The following DNAH7 variants were observed in gnomAD, a reference collection of about 807,000 sequenced individuals.
The protein encoded by DNAH7 is dynein axonemal heavy chain 7.
A neutral mutation model predicts 444.6 loss-of-function variants in DNAH7; 397 were observed. The ratio of observed to expected loss-of-function variants is 0.89; its 90% confidence interval spans 0.82 to 0.97. The LOEUF (loss-of-function observed/expected upper bound fraction) is 0.97. DNAH7 is among the 50% of genes least tolerant of loss of function. The pLI, the probability that DNAH7 is intolerant of heterozygous loss-of-function variation, is 0.00. For missense variants in DNAH7, 4,902 were observed against 4,800.8 expected (o/e 1.02, Z -0.62); for synonymous variants, 1,636 against 1,624.4 (o/e 1.01, Z -0.17).
At chr2:195,864,066 G>T in intron 41 of DNAH7, 83 bp downstream of exon 41, 1 of 1,405,690 alleles carries the variant, frequency 7.1e-7, no homozygotes. Flanking sequence ...GTAAACTACA[G>T]GTTGGGAATC....
Position 195,845,069 on chromosome 2 carries a change from T to G in DNAH7, c.8878A>C (p.Ile2960Leu). The G allele has an allele frequency of 6.2e-7, 1 of 1,613,908 alleles. No homozygotes were observed. Among genetic ancestry groups the G allele is most frequent in the Non-Finnish European group, 8.5e-7 (1 of 1,179,886 alleles). Reference protein sequence around the residue: ...LMGTLGEAVTIRTWNIAGLPS... With the variant: ...LMGTLGEAVTLRTWNIAGLPS... ...AATCCAGCAATATTCCAAGTTCGAA[T>G]TGTCACAGCTTCTCCCAGGGTACCC... The change falls in exon 47 of 65, where the codon ATT becomes CTT. Residue 2960 changes from isoleucine (I) to leucine (L), a missense_variant. Ile to Leu is a conservative substitution (Grantham distance 5). Coordinates refer to ENST00000312428, the MANE Select transcript of DNAH7 (RefSeq NM_018897.3).
intron 31 of DNAH7, 112 bp downstream of exon 31, chr2:195,891,543 T>C: frequency 1.0e-6 from 1 of 994,780 alleles, no homozygotes; most frequent in Non-Finnish European, 1.4e-6. Flanking sequence ...GTGTTTTAAA[T>C]AATATCTTAA....
intron 63 of DNAH7, among the ~76,000 whole-genome samples, chr2:195,745,979 A>G (rs928631251): frequency 8.5e-5 from 13 of 152,356 alleles, no homozygotes; most frequent in African/African-American, 2.6e-4. Context: ...ATAATGACAC[A>G]ATCAAATTCA....
Position 195,843,307 on chromosome 2 carries a change from C to T in DNAH7, c.8945+1695G>A, listed in dbSNP as rs115949084. ...TCTTTATTTTAGCAGCCAGCTAATG[C>T]ACATATTTATCATTGATTTTAGATT... On this transcript the variant is annotated intron_variant, in intron 47 of 64. Coordinates refer to ENST00000312428, the MANE Select transcript of DNAH7 (RefSeq NM_018897.3). 4.7e-3 allele frequency among the ~76,000 whole-genome samples: 717 copies of T among 152,236 alleles called. 2 individuals are homozygous for T. The highest frequency in any genetic ancestry group is 8.3e-3 in the Non-Finnish European group (565 of 68,014).
intron 57 of DNAH7, among the ~76,000 whole-genome samples, chr2:195,791,407 T>G (rs956813432): frequency 1.4e-5 from 2 of 143,134 alleles, no homozygotes; most frequent in South Asian, 4.4e-4. Flanking sequence ...CAAAACACAA[T>G]GGATGCTGGT....
At chr2:196,016,329 G>C (rs1268660216) in intron 9 of DNAH7, among the ~76,000 whole-genome samples, 2 of 152,140 alleles carry the variant, frequency 1.3e-5, no homozygotes, top group Non-Finnish European at 2.9e-5. Context: ...TATATTGTAT[G>C]ACCTCATGAC....
intron 1 of DNAH7, among the ~76,000 whole-genome samples, chr2:196,063,131 C>T (rs1211732748): frequency 6.6e-6 from 1 of 152,198 alleles, no homozygotes; most frequent in Non-Finnish European, 1.5e-5. Flanking sequence ...ATCCACCCAC[C>T]TCAGCCTCCC....
At chr2:195,916,855 T>C (rs1223563472) in intron 24 of DNAH7, among the ~76,000 whole-genome samples, 1 of 151,190 alleles carries the variant, frequency 6.6e-6, no homozygotes, top group Non-Finnish European at 1.5e-5. Context: ...ATTCCAGCAC[T>C]TCGGGAGGTG....
chr2:196,051,168 A>C lies in DNAH7; in HGVS notation c.141+19T>G. The C allele has an allele frequency of 6.2e-7, 1 of 1,606,798 alleles. No homozygotes were observed. The highest frequency in any genetic ancestry group is 8.5e-7 in the Non-Finnish European group (1 of 1,174,772). Reference sequence around the variant, plus strand: ...TTTGAAGCACAAAAATTCAATGAGAATATATTTGGATAAGTTACCATAGAC... The same window carrying C: ...TTTGAAGCACAAAAATTCAATGAGACTATATTTGGATAAGTTACCATAGAC... On this transcript the variant is annotated intron_variant, in intron 3 of 64. Transcript: ENST00000312428.
At chr2:195,931,143 C>G (rs1370898648) in intron 21 of DNAH7, among the ~76,000 whole-genome samples, 1 of 152,084 alleles carries the variant, frequency 6.6e-6, no homozygotes, top group African/African-American at 2.4e-5. Flanking sequence ...CACGATATAT[C>G]TATGTAACAA....
intron 58 of DNAH7, 30 bp from the exon 59 acceptor site, chr2:195,778,015 A>G: frequency 1.3e-6 from 2 of 1,564,004 alleles, no homozygotes; most frequent in Non-Finnish European, 8.7e-7. Context: ...TCAACCAGTT[A>G]TCAGTAGCAT....
intron 7 of DNAH7, among the ~76,000 whole-genome samples, chr2:196,025,422 G>A (rs1519617): frequency 0.05 from 7,555 of 151,884 alleles, 623 homozygotes; most frequent in African/African-American, 0.17. Flanking sequence ...ACCTTTAAGC[G>A]CTCTAAAAAG....
At chr2:195,816,999 A>C (rs749956210) in intron 50 of DNAH7, 36 bp from the exon 51 acceptor site, 1 of 1,463,334 alleles carries the variant, frequency 6.8e-7, no homozygotes, top group Non-Finnish European at 9.2e-7. Context: ...AAGAAAAAGA[A>C]GTCATTTAAA....
chr2:195,824,641 T>C (rs1697632253), intron 48 of DNAH7, among the ~76,000 whole-genome samples, 196 bp from the exon 49 acceptor site: 2 of 152,080 alleles, frequency 1.3e-5, no homozygotes, highest in African/African-American at 4.8e-5. Flanking sequence ...AGGACTTAAG[T>C]GGTGGGTCTA....
intron 46 of DNAH7, among the ~76,000 whole-genome samples, chr2:195,848,947 AATATT>A (rs918839737): frequency 1.6e-4 from 25 of 152,218 alleles, no homozygotes; most frequent in South Asian, 4.1e-4. Context: ...GCACTTGTGA[AATATT>A]ATATTATAAC....
At chr2:195,876,115 A>G (rs1326829097) in intron 37 of DNAH7, among the ~76,000 whole-genome samples, 1 of 152,192 alleles carries the variant, frequency 6.6e-6, no homozygotes, top group African/African-American at 2.4e-5. Flanking sequence ...GTTTCTCAAT[A>G]TACTGCATAT....
chr2:196,020,029 A>G (rs1695276987), intron 8 of DNAH7, among the ~76,000 whole-genome samples: 2 of 151,202 alleles, frequency 1.3e-5, no homozygotes, highest in African/African-American at 4.9e-5. Context: ...TGTAAAGATT[A>G]CAAGGATGAA....
intron 50 of DNAH7, 74 bp downstream of exon 50, chr2:195,817,622 C>A: frequency 1.4e-6 from 2 of 1,422,810 alleles, no homozygotes; most frequent in Non-Finnish European, 1.9e-6. Context: ...CAAAAGAGAT[C>A]TGTAAAATGT....
intron 1 of DNAH7, among the ~76,000 whole-genome samples, chr2:196,060,126 G>A (rs1167370887): frequency 6.6e-6 from 1 of 152,152 alleles, no homozygotes; most frequent in African/African-American, 2.4e-5. Context: ...GCTGAGGCAG[G>A]AGAATGGTGT....
Sources: allele counts gnomAD v4.1 joint callset (sites outside exome capture counted in the v4.1 genomes callset), GRCh38; gene constraint gnomAD v4.1.1; transcripts MANE v1.5; gene names NCBI Gene and HGNC (gene_info 2026-07-23, HGNC 2026-07-21).